Variants in CHORDC1 observed in about 807,000 individuals in gnomAD.
CHORDC1 encodes the protein cysteine and histidine-rich domain-containing protein 1.
A neutral mutation model predicts 48.3 loss-of-function variants in CHORDC1; 25 were observed. That is an observed-to-expected ratio of 0.52 (90% CI 0.38 to 0.72). The LOEUF is 0.72. Ranked by LOEUF, CHORDC1 falls within the 30% of genes least tolerant of loss-of-function variation. The pLI is 0.00. For missense variants in CHORDC1, 317 were observed against 388.7 expected, an observed-to-expected ratio of 0.82 and a Z score of 1.55; for synonymous variants, 128 against 126.4, an observed-to-expected ratio of 1.01 and a Z score of -0.09.
intron 6 of CHORDC1, chr11:90,207,033 C>A: frequency 3.3e-6 from 1 of 306,254 alleles, no homozygotes; most frequent in South Asian, 2.9e-5. Context: ...AATGCTATTG[C>A]CCCCACAGTC....
chr11:90,212,439 G>A (rs759986876), intron 4 of CHORDC1: 2 of 151,980 alleles, frequency 1.3e-5, no homozygotes, highest in Non-Finnish European at 2.9e-5. Flanking sequence ...TTAGTCTCGG[G>A]TGTTTCTTCG....
Position 90,202,563 on chromosome 11 carries a change from C to A in CHORDC1, c.853-12G>T, listed in dbSNP as rs1329612156. The A allele has an allele frequency of 6.2e-7, 1 of 1,610,530 alleles. No homozygotes were observed. The highest frequency in any genetic ancestry group is 1.7e-5 in the Admixed American group (1 of 59,626). ...TTTACATCAATCACCTGTAACATAT[C>A]AAAGAGAATTACAGGAAACCTCAGT... On this transcript the variant is annotated splice_polypyrimidine_tract_variant and intron_variant, in intron 10 of 10. Coordinates refer to ENST00000320585, the MANE Select transcript of CHORDC1 (RefSeq NM_012124.3).
intron 5 of CHORDC1, chr11:90,210,955 C>A: frequency 3.3e-6 from 1 of 302,432 alleles, no homozygotes; most frequent in Non-Finnish European, 5.9e-6. Context: ...AGAAATTTAG[C>A]TGATTCTTAA....
At chr11:90,216,057 T>C (rs1234003415) in intron 2 of CHORDC1, among the ~76,000 whole-genome samples, 1 of 152,152 alleles carries the variant, frequency 6.6e-6, no homozygotes, top group Non-Finnish European at 1.5e-5. Context: ...AAATATCCTA[T>C]AATTCAAATT....
intron 6 of CHORDC1, chr11:90,208,321 TC>T (rs2135035895): frequency 6.6e-6 from 1 of 152,148 alleles, no homozygotes; most frequent in South Asian, 2.1e-4. Context: ...ACCCAGCTAC[TC>T]AGGAGGCTGA....
chr11:90,212,298 T>C (rs1857891785), intron 4 of CHORDC1: 1 of 152,214 alleles, frequency 6.6e-6, no homozygotes, highest in South Asian at 2.1e-4. Flanking sequence ...GAAGTTCTGA[T>C]GGTTTTTTTC....
At position 90,222,922 on chromosome 11, in the gene CHORDC1, A is replaced by G; in HGVS notation, c.33T>C (p.Gly11=). 2 of 1,614,124 alleles carry G rather than the reference A, an allele frequency of 1.2e-6. No individual in the cohort carries two copies. Among genetic ancestry groups the G allele is most frequent in the Non-Finnish European group, 1.7e-6 (2 of 1,179,998 alleles). The stretch of plus-strand genomic sequence containing the variant: ...AATTGGTCTCAGGATCGAAGCGCTG[A>G]CCGCAGCCCCGGTTGTAGCACAGCA... MALLCYNRGC[G]QRFDPETNSD... is the part of the protein sequence containing the mutation. Residue 11 remains glycine, a synonymous_variant, in exon 1 of 11, where the codon GGT becomes GGC. Coordinates refer to ENST00000320585, the MANE Select transcript of CHORDC1 (RefSeq NM_012124.3).
In CHORDC1 at chr11:90,202,423, T is replaced by G; in HGVS notation, c.981A>C (p.Lys327Asn). ...CTCCCACTCAATCTGTTGTGGCATC[T>G]TTTTGTTTTTCCTGCTTTTTAGCTG... The part of the protein sequence containing the change: ...LPAAKKQEKQ[K>N]DATTD The change falls in exon 11 of 11, where the codon AAA becomes AAC. Residue 327 changes from lysine to asparagine, a missense_variant. By Grantham distance (94) the Lys-to-Asn change is moderately conservative. Coordinates refer to ENST00000320585, the MANE Select transcript of CHORDC1 (RefSeq NM_012124.3). The G allele has an allele frequency of 1.2e-6, 2 of 1,611,660 alleles. No homozygotes were observed. The highest frequency in any genetic ancestry group is 1.7e-6 in the Non-Finnish European group (2 of 1,179,536).
At chr11:90,207,590 AATTCTTAC>A (rs1376023984) in intron 6 of CHORDC1, 2 of 152,000 alleles carry the variant, frequency 1.3e-5, no homozygotes, top group African/African-American at 2.4e-5. Context: ...ATATATAAAG[AATTCTTAC>A]AAACTGGTAA....
At chr11:90,202,901 G>T (rs1025800498) in intron 9 of CHORDC1, 26 bp from the exon 10 acceptor site, 3 of 1,563,644 alleles carry the variant, frequency 1.9e-6, no homozygotes, top group South Asian at 1.2e-5. Flanking sequence ...ACAGTTAATT[G>T]ATCTAATTCA....
chr11:90,213,334 C>CGA, intron 4 of CHORDC1: 1 of 574,650 alleles, frequency 1.7e-6, no homozygotes, highest in Non-Finnish European at 3.1e-6. Flanking sequence ...TACTTGCAGC[C>CGA]AAAAAAAAAA....
intron 1 of CHORDC1, among the ~76,000 whole-genome samples, chr11:90,221,998 G>A (rs1263621577): frequency 6.6e-6 from 1 of 152,154 alleles, no homozygotes; most frequent in Non-Finnish European, 1.5e-5. Flanking sequence ...GATTAAATAA[G>A]ATAAAGCAAT....
At chr11:90,210,627 G>C (rs1381121238) in intron 5 of CHORDC1, 33 bp from the exon 6 acceptor site, 3 of 1,389,160 alleles carry the variant, frequency 2.2e-6, no homozygotes, top group Middle Eastern at 2.5e-4. Flanking sequence ...AAATTAAAAA[G>C]TTAAAATAGA....
At chr11:90,215,311 T>C in intron 2 of CHORDC1, 81 bp from the exon 3 acceptor site, 4 of 866,626 alleles carry the variant, frequency 4.6e-6, no homozygotes. Flanking sequence ...CTTGCACTTA[T>C]CTACTTGAAT....
At chr11:90,213,345 A>G in intron 4 of CHORDC1, 3 of 659,362 alleles carry the variant, frequency 4.5e-6, no homozygotes, top group Admixed American at 2.5e-5. Context: ...AAAAAAAAAA[A>G]AAAAAATCAC....
rs34961615 is a variant in CHORDC1 at position 90,207,075 on chromosome 11, G to A, written c.493-803C>T. 2,940 of 226,374 alleles carry A rather than the reference G, an allele frequency of 0.013. 191 individuals carry two copies. In the East Asian group the frequency reaches 0.21, roughly 16 times the overall value. 14.0% of individuals were successfully genotyped at this position (226,374 alleles called of 1,614,324 possible). On this transcript the variant is annotated intron_variant, in intron 6 of 10. Transcript: ENST00000320585. ...TTTCCCCATATTATTTGATGGCACC[G>A]TACAGACTCAGTTTCTCAAAGCAAA...
chr11:90,210,344 T>A (rs912530321), intron 6 of CHORDC1, among the ~76,000 whole-genome samples, 192 bp downstream of exon 6: 1 of 150,202 alleles, frequency 6.7e-6, no homozygotes, highest in East Asian at 2.0e-4. Flanking sequence ...GAATTGGAAT[T>A]ACTTATTTTC....
At chr11:90,217,894 TC>T (rs775319594) in intron 2 of CHORDC1, 5,276 of 151,296 alleles carry the variant, frequency 0.035, 77 homozygotes, top group Admixed American at 0.073. Context: ...AAACTCCATC[TC>T]AAAAAAAAAA....
At position 90,205,736 on chromosome 11, in the gene CHORDC1, G is replaced by A. The variant is rs141681130; in HGVS notation, c.564-171C>T. ...ATGTACAGTATATCAGGAAGAATGTGGAAACAGAGTGGAAGATTTTTACAC... is the reference window on the plus strand; with the variant it reads ...ATGTACAGTATATCAGGAAGAATGTAGAAACAGAGTGGAAGATTTTTACAC... On this transcript the variant is annotated intron_variant, in intron 7 of 10. Coordinates refer to ENST00000320585, the MANE Select transcript of CHORDC1 (RefSeq NM_012124.3). 4 of 567,724 alleles carry A rather than the reference G, an allele frequency of 7.0e-6. No homozygotes were observed. The East Asian group carries it at 1.2e-4, about 17-fold the overall frequency. The allele number at this position is 567,724 out of a possible 1,614,324, so 35.2% of individuals were successfully genotyped here. A position where few individuals can be genotyped will look rare whatever the true frequency, so the allele number is the denominator to read the frequency against.
Sources: gnomAD v4.1 joint callset for allele counts (sites outside exome capture counted in the v4.1 genomes callset) on GRCh38, gnomAD v4.1.1 for gene constraint, MANE v1.5 for transcripts, NCBI Gene and HGNC (gene_info 2026-07-23, HGNC 2026-07-21) for gene names.